Variants in MPPED1 observed in about 807,000 individuals in gnomAD.
The protein encoded by MPPED1 is metallophosphoesterase domain-containing protein 1.
MPPED1 carries 16 observed loss-of-function variants against 36.2 expected under a neutral mutation model. That is an observed-to-expected ratio of 0.44 (90% CI 0.30 to 0.67). The LOEUF (loss-of-function observed/expected upper bound fraction) is 0.67. Ranked by LOEUF, MPPED1 falls within the 30% of genes least tolerant of loss-of-function variation. The pLI is 0.10. For missense variants in MPPED1, 307 were observed against 453.4 expected (o/e 0.68, Z 2.93); for synonymous variants, 199 against 191.3 (o/e 1.04, Z -0.33).
chr22:43,496,359 AGGT>A (rs1223346168), intron 4 of MPPED1, among the ~76,000 whole-genome samples: 2 of 20,404 alleles, frequency 9.8e-5, no homozygotes, highest in Non-Finnish European at 1.5e-4. Context: ...GTGGTGGTGG[AGGT>A]GGTGGTGGTG....
rs973203373 is a variant in MPPED1, at chr22:43,412,092, C to A, written c.-145C>A. On this transcript the variant is annotated 5_prime_UTR_variant, in exon 1 of 7. Transcript: ENST00000443721. Reference sequence around the variant, plus strand: ...CCTGCGCGCCTCCCTCCCGGGAGCCCCTGCCTCCCTCGGTGCGCGCTGCTG... The same window carrying A: ...CCTGCGCGCCTCCCTCCCGGGAGCCACTGCCTCCCTCGGTGCGCGCTGCTG... 1.4e-5 allele frequency: 14 copies of A among 979,532 alleles called. No homozygotes were observed. The highest frequency in any genetic ancestry group is 1.7e-5 in the Non-Finnish European group (14 of 827,690). The allele number at this position is 979,532 out of a possible 1,614,324, so 60.7% of individuals were successfully genotyped here. A position where few individuals can be genotyped will look rare whatever the true frequency, so the allele number is the denominator to read the frequency against.
intron 3 of MPPED1, among the ~76,000 whole-genome samples, chr22:43,437,722 T>A (rs1448218604): frequency 6.6e-6 from 1 of 152,196 alleles, no homozygotes; most frequent in Admixed American, 6.5e-5. Context: ...CCAAATGTTG[T>A]TTTGAGGCTC....
At chr22:43,499,710 G>A (rs1051353143) in intron 5 of MPPED1, among the ~76,000 whole-genome samples, 2 of 116,184 alleles carry the variant, frequency 1.7e-5, no homozygotes, top group African/African-American at 7.2e-5. Flanking sequence ...GGTGATGATG[G>A]TGGTGGTGAT....
rs1366011247 is a variant in MPPED1, at chr22:43,474,554, T to C, written c.407-182T>C. 6.6e-6 allele frequency among the ~76,000 whole-genome samples: 1 copy of C among 152,060 alleles called. No individual in the cohort carries two copies. The highest frequency in any genetic ancestry group is 2.4e-5 in the African/African-American group (1 of 41,372). ...CAGCTGTGTGCTGTGTGTCTGTCTG[T>C]GTCCACCCCTGCAGGCAGCCTGCCC... On this transcript the variant is annotated intron_variant, in intron 3 of 6. Transcript: ENST00000443721. This position sits in a 1 kb window ranked among gnomAD's most constrained non-coding sequence, Gnocchi z 5.2.
intron 4 of MPPED1, 82 bp from the exon 5 acceptor site, chr22:43,498,153 G>A: frequency 8.9e-7 from 1 of 1,120,492 alleles, no homozygotes; most frequent in Non-Finnish European, 1.3e-6. Context: ...AGGGCCCCCT[G>A]GCCCGTGGGG....
chr22:43,494,230 G>A (rs977488293), intron 4 of MPPED1, among the ~76,000 whole-genome samples: 3 of 152,188 alleles, frequency 2.0e-5, no homozygotes, highest in Admixed American at 6.5e-5. Flanking sequence ...TGTAGAGACA[G>A]TGTCTTACTG....
intron 4 of MPPED1, among the ~76,000 whole-genome samples, chr22:43,475,619 GTGA>G (rs1223914770): frequency 1.5e-4 from 19 of 126,246 alleles, no homozygotes; most frequent in African/African-American, 4.9e-4. Flanking sequence ...GGTGGTGATG[GTGA>G]TGATGGTGGT....
intron 2 of MPPED1, among the ~76,000 whole-genome samples, chr22:43,429,813 G>C (rs1929610608): frequency 6.6e-6 from 1 of 152,166 alleles, no homozygotes; most frequent in African/African-American, 2.4e-5. Context: ...TGTGGGGGTG[G>C]GGGTGGCATA....
intron 2 of MPPED1, among the ~76,000 whole-genome samples, chr22:43,426,390 AG>A (rs1929472513): frequency 6.6e-6 from 1 of 151,908 alleles, no homozygotes; most frequent in African/African-American, 2.4e-5. Flanking sequence ...CAGCACAGGG[AG>A]GGGGGAGCTA....
At chr22:43,412,668 CCCATCCATCCAT>C (rs59354174) in intron 1 of MPPED1, among the ~76,000 whole-genome samples, 3 of 149,160 alleles carry the variant, frequency 2.0e-5, no homozygotes, top group Non-Finnish European at 3.0e-5. Context: ...ATCCCTCCCT[CCCATCCATCCAT>C]CCATCCATCC....
At chr22:43,503,331 G>A (rs938649751) in intron 6 of MPPED1, among the ~76,000 whole-genome samples, 22 of 152,188 alleles carry the variant, frequency 1.4e-4, no homozygotes, top group Admixed American at 1.3e-4. Flanking sequence ...CATTTCACCA[G>A]TTTGGCACAG....
rs181099672 is a variant in MPPED1, at chr22:43,474,165, G to A, written c.407-571G>A. Reference sequence around the variant, plus strand: ...AGTCCAAGATACCCAGGGGGTGGGGGCCTGGGACCGTGAGGCCAGTGACAG... The same window carrying A: ...AGTCCAAGATACCCAGGGGGTGGGGACCTGGGACCGTGAGGCCAGTGACAG... On this transcript the variant is annotated intron_variant, in intron 3 of 6. Coordinates refer to ENST00000443721, the MANE Select transcript of MPPED1 (RefSeq NM_001044370.2). The surrounding 1 kb of genome is among the most constrained non-coding windows in gnomAD (Gnocchi z 5.2). 6.6e-6 allele frequency among the ~76,000 whole-genome samples: 1 copy of A among 152,322 alleles called. No individual in the cohort carries two copies. The highest frequency in any genetic ancestry group is 1.9e-4 in the East Asian group (1 of 5,172).
chr22:43,472,486 G>T (rs867365285), intron 3 of MPPED1, among the ~76,000 whole-genome samples: 61 of 152,356 alleles, frequency 4.0e-4, no homozygotes, highest in African/African-American at 1.3e-3. Context: ...TGGTGGCAGA[G>T]TGGGTCTGGG....
At chr22:43,482,605 A>T (rs943907681) in intron 4 of MPPED1, among the ~76,000 whole-genome samples, 1 of 152,224 alleles carries the variant, frequency 6.6e-6, no homozygotes, top group Non-Finnish European at 1.5e-5. Context: ...CAAGAGGGAT[A>T]GTCCCCTTGC....
At chr22:43,499,999 TGGC>T (rs769648757) in intron 5 of MPPED1, among the ~76,000 whole-genome samples, 47 of 39,544 alleles carry the variant, frequency 1.2e-3, no homozygotes, top group African/African-American at 2.3e-3. Context: ...GTGATGGAGG[TGGC>T]GGTGGTGATG....
At chr22:43,485,759 G>A (rs1931894357) in intron 4 of MPPED1, among the ~76,000 whole-genome samples, 1 of 152,228 alleles carries the variant, frequency 6.6e-6, no homozygotes, top group Admixed American at 6.5e-5. Flanking sequence ...ACAAAAGATG[G>A]ATGATTCTGT....
intron 3 of MPPED1, among the ~76,000 whole-genome samples, chr22:43,457,217 T>G (rs1260588010): frequency 6.6e-6 from 1 of 152,210 alleles, no homozygotes; most frequent in Non-Finnish European, 1.5e-5. Flanking sequence ...AAATCGCCAG[T>G]GAAGCCATCT....
chr22:43,499,579 AGG>A (rs1932562637), intron 5 of MPPED1, among the ~76,000 whole-genome samples: 1 of 28,972 alleles, frequency 3.5e-5, no homozygotes, highest in Non-Finnish European at 6.5e-5. Context: ...GTGGTAGTGG[AGG>A]TGGTGGTGGT....
chr22:43,418,198 T>G, intron 1 of MPPED1: 1 of 456,062 alleles, frequency 2.2e-6, no homozygotes, highest in South Asian at 1.5e-5. Flanking sequence ...GAGAGCACTT[T>G]CGAGAGCCGG....
Sources: allele counts gnomAD v4.1 joint callset (sites outside exome capture counted in the v4.1 genomes callset), GRCh38; gene constraint gnomAD v4.1.1; non-coding constraint Gnocchi (gnomAD v3.1); transcripts MANE v1.5; gene names NCBI Gene and HGNC (gene_info 2026-07-23, HGNC 2026-07-21).